The following BRF1 variants were observed in gnomAD, a reference collection of about 807,000 sequenced individuals.
BRF1 encodes the protein transcription factor IIIB 90 kDa subunit.
A neutral mutation model predicts 81.7 loss-of-function variants in BRF1; 59 were observed. The ratio of observed to expected loss-of-function variants is 0.72; its 90% CI spans 0.59 to 0.90. The LOEUF is 0.90. Among genes scored for constraint, BRF1 ranks in the 40% least tolerant of loss-of-function variants. The pLI is 0.00. For synonymous variants in BRF1, 491 were observed against 395.6 expected (o/e 1.24, Z -2.86); for missense variants, 1,050 against 936.3 (o/e 1.12, Z -1.58).
intron 5 of BRF1, among the ~76,000 whole-genome samples, chr14:105,245,714 G>A (rs587695890): frequency 7.2e-5 from 11 of 152,098 alleles, no homozygotes; most frequent in African/African-American, 2.7e-4. Context: ...TGGGAAAACT[G>A]GATATCCACT....
intron 5 of BRF1, chr14:105,249,229 G>A (rs1412579873): frequency 1.3e-6 from 2 of 1,584,784 alleles, no homozygotes; most frequent in Non-Finnish European, 8.5e-7. Flanking sequence ...GGGCGACCAG[G>A]ACGGTGCCCG....
chr14:105,241,586 A>G (rs1421342605), intron 5 of BRF1, 172 bp from the exon 6 acceptor site: 1 of 854,128 alleles, frequency 1.2e-6, no homozygotes, highest in African/African-American at 1.7e-5. Flanking sequence ...TAGGGCAGCC[A>G]TCGCACCGAA....
At chr14:105,249,515 G>A (rs756626813) in intron 5 of BRF1, 36 of 1,608,730 alleles carry the variant, frequency 2.2e-5, no homozygotes, top group Non-Finnish European at 2.9e-5. Context: ...GGGTGGGTCC[G>A]TTTTAGGCGG....
intron 8 of BRF1, 44 bp downstream of exon 8, chr14:105,226,590 A>C: frequency 6.2e-7 from 1 of 1,610,168 alleles, no homozygotes; most frequent in Non-Finnish European, 8.5e-7. Flanking sequence ...CTTCCCCCCA[A>C]GGCTGGCAAG....
At position 105,224,061 on chromosome 14, in the gene BRF1, G is replaced by A. The variant is rs114200326; in HGVS notation, c.1048+2008C>T. ...ACAACTTTGTATCTATCCAATCACT[G>A]TCCCTTTTTGCCTTTAAAAATCCAT... On this transcript the variant is annotated intron_variant, in intron 10 of 17. Coordinates refer to ENST00000547530, the MANE Select transcript of BRF1 (RefSeq NM_001519.4). Among the ~76,000 whole-genome samples the A allele has an allele frequency of 3.1e-3, 466 of 152,274 alleles. 2 individuals are homozygous for A. Among genetic ancestry groups the A allele is most frequent in the African/African-American group, 0.011 (445 of 41,564 alleles).
chr14:105,221,648 T>G lies in BRF1; in HGVS notation c.1315A>C (p.Lys439Gln), dbSNP rs759572410. 6.8e-6 allele frequency: 11 copies of G among 1,606,598 alleles called. No homozygotes were observed. In the South Asian group the frequency reaches 9.9e-5, roughly 14 times the overall value. Residue 439 changes from lysine (K) to glutamine (Q), a missense_variant and splice_region_variant, in exon 11 of 18, where the codon AAA becomes CAA. Coordinates refer to ENST00000547530, the MANE Select transcript of BRF1 (RefSeq NM_001519.4). The stretch of plus-strand genomic sequence containing the variant: ...CCCCCAGGGCCCCATCAGAACTCAC[T>G]GGGGTCGCTGCTCTGAGAGGAGATG... ...ECISSQSSDP[K>Q]DASGDGELDL...
At chr14:105,246,998 T>C in intron 5 of BRF1, 1 of 985,468 alleles carries the variant, frequency 1.0e-6, no homozygotes, top group Non-Finnish European at 1.2e-6. Context: ...ATCCTTTCTG[T>C]TGCTGATGGA....
chr14:105,301,341 G>A (rs926510798), upstream of BRF1: 1 of 152,056 alleles, frequency 6.6e-6, no homozygotes, highest in Non-Finnish European at 1.5e-5. Flanking sequence ...GCCTCCCGTG[G>A]AGAGACGGCC....
Position 105,272,869 on chromosome 14 carries a change from C to T in BRF1, c.291G>A (p.Gly97=). ...AGTGCTGGTTCAGCTGCAGCTGGTT[C>T]CCCAGGTGGTGGATGTGGCGCCTCC... ...QNGRRHIHHL[G]NQLQLNQHCL... The change falls in exon 3 of 18, where the codon GGG becomes GGA. Residue 97 remains glycine (G), a synonymous_variant. Coordinates refer to ENST00000547530, the MANE Select transcript of BRF1 (RefSeq NM_001519.4). 1 of 1,613,096 alleles carries T rather than the reference C, an allele frequency of 6.2e-7. No homozygotes were observed. The highest frequency in any genetic ancestry group is 1.7e-5 in the Admixed American group (1 of 59,990).
intron 2 of BRF1, among the ~76,000 whole-genome samples, chr14:105,277,528 A>T (rs867208781): frequency 8.1e-6 from 1 of 123,840 alleles, no homozygotes; most frequent in African/African-American, 3.4e-5. Context: ...CCCTCACTAG[A>T]GAGCTGGGGA....
At chr14:105,311,242 C>T (rs1385344768) in intron 1 of BRF1, among the ~76,000 whole-genome samples, 3 of 152,064 alleles carry the variant, frequency 2.0e-5, no homozygotes, top group African/African-American at 4.8e-5. Context: ...GCATGAGCCA[C>T]TGTGCCCGGC....
chr14:105,313,090 G>A (rs2058392073), intron 1 of BRF1, among the ~76,000 whole-genome samples: 1 of 152,212 alleles, frequency 6.6e-6, no homozygotes, highest in South Asian at 2.1e-4. Context: ...AAGCCCTGCT[G>A]TGCACGGCTT....
chr14:105,248,856 G>T (rs1454974247), intron 5 of BRF1: 3 of 990,176 alleles, frequency 3.0e-6, no homozygotes, highest in Non-Finnish European at 3.6e-6. Context: ...TGCCCCCGCC[G>T]CCCCGCCCGC....
At chr14:105,248,575 GGGC>G in intron 5 of BRF1, 1 of 909,232 alleles carries the variant, frequency 1.1e-6, no homozygotes, top group Non-Finnish European at 1.3e-6. Context: ...GGGCTCGGGC[GGGC>G]GGGCGGGCGG....
intron 3 of BRF1, among the ~76,000 whole-genome samples, chr14:105,263,297 T>C (rs1427635297): frequency 7.0e-6 from 1 of 143,162 alleles, no homozygotes; most frequent in Non-Finnish European, 1.5e-5. Context: ...CAAGGGAAGA[T>C]AGAGTTTACA....
intron 6 of BRF1, among the ~76,000 whole-genome samples, chr14:105,229,418 G>T (rs587621503): frequency 6.6e-6 from 1 of 152,222 alleles, no homozygotes; most frequent in Non-Finnish European, 1.5e-5. Flanking sequence ...CAGGGATGCC[G>T]GTACCTGGCC....
chr14:105,263,234 CAAA>C (rs760613469), intron 3 of BRF1, among the ~76,000 whole-genome samples: 4 of 83,550 alleles, frequency 4.8e-5, no homozygotes, highest in Admixed American at 1.5e-4. Context: ...AAGACTCCAT[CAAA>C]AAAAAAAAAA....
chr14:105,279,156 C>T (rs2056966605), intron 2 of BRF1, among the ~76,000 whole-genome samples: 1 of 152,072 alleles, frequency 6.6e-6, no homozygotes, highest in Non-Finnish European at 1.5e-5. Flanking sequence ...CTGCAAGGAG[C>T]ATCGACTGCA....
intron 5 of BRF1, among the ~76,000 whole-genome samples, chr14:105,245,651 G>A (rs587674628): frequency 9.5e-4 from 145 of 152,276 alleles, no homozygotes; most frequent in Non-Finnish European, 1.8e-3. Flanking sequence ...CAACAAGGGT[G>A]ACAAGAACTT....
Sources: gnomAD v4.1 joint callset for allele counts (sites outside exome capture counted in the v4.1 genomes callset) on GRCh38, gnomAD v4.1.1 for gene constraint, MANE v1.5 for transcripts, NCBI Gene and HGNC (gene_info 2026-07-23, HGNC 2026-07-21) for gene names.